MORC3: variants seen among roughly 807,000 people sequenced by gnomAD.
MORC3 encodes the protein MORC family CW-type zinc finger 3.
A neutral mutation model predicts 109.1 loss-of-function variants in MORC3; 31 were observed. The observed-to-expected ratio is 0.28, with a 90% confidence interval of 0.21 to 0.38. The LOEUF is 0.38. MORC3 is among the 10% of genes least tolerant of loss of function. The probability of loss-of-function intolerance (pLI) is 1.00; values close to 1 mark genes in which losing one functional copy is unlikely to be tolerated. For synonymous variants in MORC3, 395 were observed against 380.7 expected (o/e 1.04, Z -0.44); for missense variants, 867 against 1,135.8 (o/e 0.76, Z 3.40).
In MORC3 at chr21:36,360,310, T is replaced by G. The variant is rs2085698918; in HGVS notation, c.1406+52T>G. On this transcript the variant is annotated intron_variant, in intron 12 of 16. Coordinates refer to ENST00000400485, the MANE Select transcript of MORC3 (RefSeq NM_015358.3). Reference sequence around the variant, plus strand: ...GTAATAATGCCCAGATCATGAACAGTGATGCCTTGGCAACATTATTTGATG... The same window carrying G: ...GTAATAATGCCCAGATCATGAACAGGGATGCCTTGGCAACATTATTTGATG... 4.0e-6 allele frequency: 6 copies of G among 1,514,350 alleles called. No homozygotes were observed. The East Asian group carries it at 1.4e-4, about 34-fold the overall frequency. The allele number at this position is 1,514,350 out of a possible 1,614,324, so 93.8% of individuals were successfully genotyped here.
In MORC3 at chr21:36,341,292, A is replaced by C. The variant is rs1257899841; in HGVS notation, c.609-107A>C. The stretch of plus-strand genomic sequence containing the variant: ...CCCCAACCCCCCACTGACGTGCACC[A>C]TGTGTAGGTTTATTTATTTGCTTAC... On this transcript the variant is annotated intron_variant, in intron 5 of 16. Coordinates refer to ENST00000400485, the MANE Select transcript of MORC3 (RefSeq NM_015358.3). The C allele has an allele frequency of 3.8e-6, 4 of 1,043,660 alleles. No individual in the cohort carries two copies. The East Asian group carries it at 1.0e-4, about 27-fold the overall frequency. 64.6% of individuals were successfully genotyped at this position (1,043,660 alleles called of 1,614,324 possible).
At chr21:36,341,613 A>C in intron 6 of MORC3, 67 bp downstream of exon 6, 1 of 1,588,126 alleles carries the variant, frequency 6.3e-7, no homozygotes, top group Non-Finnish European at 8.6e-7. Flanking sequence ...AGGAGAGGTC[A>C]TGTTACCTGC....
intron 1 of MORC3, among the ~76,000 whole-genome samples, chr21:36,331,207 TC>T (rs1395905164): frequency 6.6e-6 from 1 of 152,196 alleles, no homozygotes; most frequent in South Asian, 2.1e-4. Flanking sequence ...CCACCTTTTT[TC>T]CCCTTATTAG....
intron 10 of MORC3, 43 bp from the exon 11 acceptor site, chr21:36,359,912 G>A: frequency 6.2e-7 from 1 of 1,608,500 alleles, no homozygotes; most frequent in Non-Finnish European, 8.5e-7. Flanking sequence ...AGTATTTAGA[G>A]TCCATATTTC....
chr21:36,333,808 A>G lies in MORC3; in HGVS notation c.112+90A>G. On this transcript the variant is annotated intron_variant, in intron 2 of 16. Coordinates refer to ENST00000400485, the MANE Select transcript of MORC3 (RefSeq NM_015358.3). ...TGTTTTGTTTTTTTTTTTTAAACAGAGTCTCTCTCTGTCGCCCAGGCTGGA... is the reference window on the plus strand; with the variant it reads ...TGTTTTGTTTTTTTTTTTTAAACAGGGTCTCTCTCTGTCGCCCAGGCTGGA... 3 of 1,084,740 alleles carry G rather than the reference A, an allele frequency of 2.8e-6. No individual in the cohort carries two copies. In the East Asian group the frequency reaches 7.3e-5, roughly 26 times the overall value. 67.2% of individuals were successfully genotyped at this position (1,084,740 alleles called of 1,614,324 possible). A position where few individuals can be genotyped will look rare whatever the true frequency, so the allele number is the denominator to read the frequency against.
intron 1 of MORC3, among the ~76,000 whole-genome samples, chr21:36,321,858 T>C (rs1160179019): frequency 6.6e-6 from 1 of 152,210 alleles, no homozygotes; most frequent in Non-Finnish European, 1.5e-5. Flanking sequence ...CAGGCCCTTG[T>C]AGACTCTGGC....
chr21:36,321,393 C>G (rs1450530510), intron 1 of MORC3, among the ~76,000 whole-genome samples: 2 of 152,128 alleles, frequency 1.3e-5, no homozygotes, highest in East Asian at 3.9e-4. Flanking sequence ...TATCCTTTGA[C>G]CATTTTCTGT....
chr21:36,364,712 T>A lies in MORC3; in HGVS notation c.1619+453T>A, dbSNP rs573040845. Among the ~76,000 whole-genome samples the A allele has an allele frequency of 4.1e-5, 6 of 145,358 alleles. No homozygotes were observed. In the South Asian group the frequency reaches 1.3e-3, roughly 31 times the overall value. Reference sequence around the variant, plus strand: ...TCGCATTCTCACCTGTTTGAATTTCTATATAGTATGACAATTCCTGCTTTT... The same window carrying A: ...TCGCATTCTCACCTGTTTGAATTTCAATATAGTATGACAATTCCTGCTTTT... On this transcript the variant is annotated intron_variant, in intron 14 of 16. Coordinates refer to ENST00000400485, the MANE Select transcript of MORC3 (RefSeq NM_015358.3).
At chr21:36,359,496 G>A (rs1458619888) in intron 10 of MORC3, among the ~76,000 whole-genome samples, 2 of 151,216 alleles carry the variant, frequency 1.3e-5, no homozygotes, top group Non-Finnish European at 2.9e-5. Context: ...CCAAATTATA[G>A]GCATGAGCTA....
At chr21:36,320,427 C>G in intron 1 of MORC3, 124 bp downstream of exon 1, 1 of 983,232 alleles carries the variant, frequency 1.0e-6, no homozygotes, top group South Asian at 4.3e-5. Flanking sequence ...TGCGGCGGGG[C>G]CCGGGGAGGG....
chr21:36,364,298 A>C, intron 14 of MORC3, 39 bp downstream of exon 14: 1 of 1,590,144 alleles, frequency 6.3e-7, no homozygotes, highest in Non-Finnish European at 8.6e-7. Flanking sequence ...GGGGAATATT[A>C]AACAGAGCTT....
intron 15 of MORC3, among the ~76,000 whole-genome samples, chr21:36,371,204 G>C (rs1416595815): frequency 6.6e-6 from 1 of 152,108 alleles, no homozygotes; most frequent in Non-Finnish European, 1.5e-5. Flanking sequence ...GGATTTTCCT[G>C]CTAAAAAGAG....
intron 9 of MORC3, among the ~76,000 whole-genome samples, chr21:36,353,330 T>C (rs555063401): frequency 7.1e-6 from 1 of 140,658 alleles, no homozygotes; most frequent in Non-Finnish European, 1.5e-5. Flanking sequence ...ACATTCCAGT[T>C]TGGTGACAGA....
chr21:36,322,369 T>C (rs1156519253), intron 1 of MORC3, among the ~76,000 whole-genome samples: 1 of 152,052 alleles, frequency 6.6e-6, no homozygotes, highest in Non-Finnish European at 1.5e-5. Flanking sequence ...GTATACACTT[T>C]TTTATTTTAT....
At chr21:36,335,597 T>C (rs2085367479) in intron 2 of MORC3, among the ~76,000 whole-genome samples, 1 of 152,218 alleles carries the variant, frequency 6.6e-6, no homozygotes. Flanking sequence ...ATTACAGGCA[T>C]GAGCCGCTGC....
rs776303570 is a variant in MORC3, at chr21:36,341,360, A to G, written c.609-39A>G. ...GTGTTTGCTGGCTTATCTTGCTGTGAAGTTAAATTTTGGTTCTTTCTAAAA... is the reference window on the plus strand; with the variant it reads ...GTGTTTGCTGGCTTATCTTGCTGTGGAGTTAAATTTTGGTTCTTTCTAAAA... On this transcript the variant is annotated intron_variant, in intron 5 of 16. Coordinates refer to ENST00000400485, the MANE Select transcript of MORC3 (RefSeq NM_015358.3). 1.3e-5 allele frequency: 20 copies of G among 1,566,236 alleles called. No homozygotes were observed. The East Asian group carries it at 4.5e-4, about 35-fold the overall frequency.
At position 36,320,227 on chromosome 21, in the gene MORC3, G is replaced by T. The variant is rs1364158276; in HGVS notation, c.-38G>T. The T allele has an allele frequency of 3.8e-6, 6 of 1,568,880 alleles. No individual in the cohort carries two copies. The Admixed American group carries it at 1.1e-4, about 30-fold the overall frequency. On this transcript the variant is annotated 5_prime_UTR_variant, in exon 1 of 17. Coordinates refer to ENST00000400485, the MANE Select transcript of MORC3 (RefSeq NM_015358.3). ...CGTTCCGCCACCTCCCAGTCGGGTT[G>T]CGGCGGAGGCCGTTCCTGGCTTTGT... is the stretch of plus-strand genomic sequence containing the variant.
intron 1 of MORC3, among the ~76,000 whole-genome samples, chr21:36,327,978 G>A (rs2085268718): frequency 6.6e-6 from 1 of 151,842 alleles, no homozygotes; most frequent in African/African-American, 2.4e-5. Context: ...CTGGGTTCAA[G>A]TGATTGCCAT....
At chr21:36,343,699 G>A (rs568861648) in intron 6 of MORC3, among the ~76,000 whole-genome samples, 11 of 151,770 alleles carry the variant, frequency 7.2e-5, no homozygotes, top group East Asian at 5.8e-4. Context: ...CGCCCGCCTC[G>A]GCCTCCCAAA....
Sources: allele counts gnomAD v4.1 joint callset (sites outside exome capture counted in the v4.1 genomes callset), GRCh38; gene constraint gnomAD v4.1.1; transcripts MANE v1.5; gene names NCBI Gene and HGNC (gene_info 2026-07-23, HGNC 2026-07-21).